The following BCCIP variants were observed in gnomAD, a reference collection of about 807,000 sequenced individuals.
The protein encoded by BCCIP is BRCA2 and CDKN1A interacting protein.
A neutral mutation model predicts 32.8 loss-of-function variants in BCCIP; 23 were observed. The observed-to-expected ratio is 0.70, with a 90% CI of 0.51 to 0.99. The LOEUF is 0.99. Among genes scored for constraint, BCCIP ranks in the 50% least tolerant of loss-of-function variants. The probability of loss-of-function intolerance (pLI) is 0.00; values close to 1 mark genes in which losing one functional copy is unlikely to be tolerated. For synonymous variants in BCCIP, 144 were observed against 137.6 expected, an observed-to-expected ratio of 1.05 and a Z score of -0.33; for missense variants, 378 against 379.8, an observed-to-expected ratio of 1.00 and a Z score of 0.04.
At chr10:125,850,132 A>AT (rs901504110) in intron 7 of BCCIP, among the ~76,000 whole-genome samples, 1 of 117,374 alleles carries the variant, frequency 8.5e-6, no homozygotes, top group African/African-American at 3.6e-5. Context: ...CACCTGGCTC[A>AT]TTAAAAAAAA....
chr10:125,843,917 A>G (rs1854945110), downstream of BCCIP, among the ~76,000 whole-genome samples: 1 of 152,208 alleles, frequency 6.6e-6, no homozygotes. Context: ...CAAGGCTTTC[A>G]TCCTTACCTT....
intron 6 of BCCIP, among the ~76,000 whole-genome samples, chr10:125,835,081 C>T (rs1157769371): frequency 2.0e-5 from 3 of 151,262 alleles, no homozygotes; most frequent in African/African-American, 7.3e-5. Context: ...TGCAGTGAGC[C>T]GAGATTGCGC....
At chr10:125,826,417 T>A (rs1854389940) in intron 1 of BCCIP, 174 bp from the exon 2 acceptor site, 1 of 970,116 alleles carries the variant, frequency 1.0e-6, no homozygotes, top group Admixed American at 3.5e-5. Flanking sequence ...TTCTCAACAT[T>A]TAAACTAGGT....
In BCCIP at chr10:125,824,724, A is replaced by G. The variant is rs867780998; in HGVS notation, c.165+1002A>G. 8.9e-5 allele frequency among the ~76,000 whole-genome samples: 9 copies of G among 101,508 alleles called. No individual in the cohort carries two copies. In the Middle Eastern group the frequency reaches 0.017, roughly 193 times the overall value. 66.6% of individuals were successfully genotyped at this position (101,508 alleles called of 152,430 possible). A position where few individuals can be genotyped will look rare whatever the true frequency, so the allele number is the denominator to read the frequency against. On this transcript the variant is annotated intron_variant, in intron 1 of 6. Coordinates refer to ENST00000278100, the MANE Select transcript of BCCIP (RefSeq NM_078468.3). ...TTTTGTTCCCCTACAATCAGTCTAT[A>G]CTCCACTTACAGTCAGAGAGATCTT...
At chr10:125,846,635 C>G (rs1472961294), downstream of BCCIP, among the ~76,000 whole-genome samples, 1 of 152,168 alleles carries the variant, frequency 6.6e-6, no homozygotes, top group Non-Finnish European at 1.5e-5. Context: ...ACTGGAAATG[C>G]ACTTTTACCT....
downstream of BCCIP, among the ~76,000 whole-genome samples, chr10:125,839,785 C>T (rs1854818108): frequency 6.6e-6 from 1 of 152,112 alleles, no homozygotes; most frequent in Non-Finnish European, 1.5e-5. Context: ...TTTCTGGCCA[C>T]CTGTAATTAC....
rs148228542 is a variant in BCCIP at position 125,842,257 on chromosome 10, C to T, written c.*898C>T. 3.1e-4 allele frequency: 86 copies of T among 279,836 alleles called. 2 individuals carry two copies. The East Asian group carries it at 5.6e-3, about 18-fold the overall frequency. The allele number at this position is 279,836 out of a possible 1,614,324, so 17.3% of individuals were successfully genotyped here. A position where few individuals can be genotyped will look rare whatever the true frequency, so the allele number is the denominator to read the frequency against. On this transcript the variant is annotated 3_prime_UTR_variant, in exon 7 of 7. Coordinates refer to the BCCIP transcript ENST00000299130. Reference sequence around the variant, plus strand: ...AGGGATCCAGGGAGACTAAGGTGGCCGGAACTCGCGGTCACAGTACTGGAG... The same window carrying T: ...AGGGATCCAGGGAGACTAAGGTGGCTGGAACTCGCGGTCACAGTACTGGAG...
intron 6 of BCCIP, among the ~76,000 whole-genome samples, chr10:125,835,533 C>T (rs1262670276): frequency 6.7e-6 from 1 of 149,810 alleles, no homozygotes; most frequent in South Asian, 2.1e-4. Context: ...GAGCCGAGAT[C>T]ACGCCACTGC....
At chr10:125,841,808 G>A in exon 7 of BCCIP, 14 of 1,613,618 alleles carry the variant, frequency 8.7e-6, no homozygotes, top group Non-Finnish European at 1.2e-5. Context: ...CGCTAAGATA[G>A]ACTTCGAGAG....
At chr10:125,840,264 A>T (rs981225777), downstream of BCCIP, among the ~76,000 whole-genome samples, 2 of 152,086 alleles carry the variant, frequency 1.3e-5, no homozygotes, top group African/African-American at 4.8e-5. Flanking sequence ...CAGGTAAGCT[A>T]CCCACTGCCC....
rs1854680647 is a variant in BCCIP, at chr10:125,836,242, A to G, written c.913A>G (p.Met305Val). 3 of 1,614,220 alleles carry G rather than the reference A, an allele frequency of 1.9e-6. No individual in the cohort carries two copies. The highest frequency in any genetic ancestry group is 2.5e-6 in the Non-Finnish European group (3 of 1,180,020). The change falls in exon 7 of 7, where the codon ATG (methionine) becomes GTG (valine). Residue 305 changes from methionine (M) to valine (V), a missense_variant. Met to Val is a conservative substitution (Grantham distance 21, BLOSUM62 1). Transcript: ENST00000278100. ...LIPGDKMNEIMDKLKEYLSV is the reference protein window; with the variant it reads ...LIPGDKMNEIVDKLKEYLSV ...TCCAGGCGACAAGATGAACGAAATC[A>G]TGGATAAACTGAAAGAATATCTATC...
intron 7 of BCCIP, among the ~76,000 whole-genome samples, chr10:125,852,074 A>C (rs576469562): frequency 6.6e-6 from 1 of 152,302 alleles, no homozygotes; most frequent in East Asian, 1.9e-4. Context: ...CAGCAGACAC[A>C]TTTCTCGTGT....
downstream of BCCIP, chr10:125,838,078 C>CT (rs1372936985): frequency 1.2e-6 from 1 of 831,304 alleles, no homozygotes; most frequent in African/African-American, 1.7e-5. Context: ...TTAGTAGGTA[C>CT]TGTCAACGTA....
downstream of BCCIP, chr10:125,836,981 CAGAT>C (rs1455894917): frequency 3.1e-5 from 23 of 753,284 alleles, no homozygotes; most frequent in Middle Eastern, 1.3e-3. Flanking sequence ...AATTTGAACT[CAGAT>C]AGTATCTCAG....
Position 125,826,599 on chromosome 10 carries a change from T to C in BCCIP, c.174T>C (p.Asn58=), listed in dbSNP as rs2134006285. 6.2e-7 allele frequency: 1 copy of C among 1,613,718 alleles called. No homozygotes were observed. The highest frequency in any genetic ancestry group is 8.5e-7 in the Non-Finnish European group (1 of 1,179,806). ...TTGTGTGTTATTTACAGGAAGTGAA[T>C]ATTGAATTTGAAGCTTATTCCCTAT... The part of the protein sequence containing the change: ...EEDEVIDEEV[N]IEFEAYSLSD... The change falls in exon 2 of 7, where the codon AAT becomes AAC. Residue 58 remains asparagine, a synonymous_variant. Coordinates refer to ENST00000278100, the MANE Select transcript of BCCIP (RefSeq NM_078468.3).
intron 2 of BCCIP, among the ~76,000 whole-genome samples, chr10:125,826,873 A>C: frequency 6.6e-6 from 1 of 152,026 alleles, no homozygotes; most frequent in East Asian, 1.9e-4. Flanking sequence ...GGTAGCACAC[A>C]CCGTTAGTCC....
chr10:125,837,359 C>CA (rs1392513178), downstream of BCCIP, among the ~76,000 whole-genome samples: 1 of 152,246 alleles, frequency 6.6e-6, no homozygotes, highest in Admixed American at 6.5e-5. Context: ...ACTGGCCTCT[C>CA]AAAGACTAGT....
chr10:125,830,510 C>A, intron 3 of BCCIP, 52 bp from the exon 4 acceptor site: 1 of 1,217,034 alleles, frequency 8.2e-7, no homozygotes, highest in Non-Finnish European at 1.1e-6. Flanking sequence ...TGGTTTTATA[C>A]TCTTGGTATT....
intron 7 of BCCIP, among the ~76,000 whole-genome samples, chr10:125,848,475 C>T (rs937774062): frequency 2.0e-5 from 3 of 152,194 alleles, no homozygotes; most frequent in South Asian, 4.1e-4. Flanking sequence ...CATGGCCACC[C>T]AGCTGTTTTG....
Sources: allele counts gnomAD v4.1 joint callset (sites outside exome capture counted in the v4.1 genomes callset), GRCh38; gene constraint gnomAD v4.1.1; transcripts MANE v1.5; gene names NCBI Gene and HGNC (gene_info 2026-07-23, HGNC 2026-07-21).